The following BAIAP2 variants were observed in gnomAD, a reference collection of about 807,000 sequenced individuals.
BAIAP2 encodes the protein BAR/IMD domain-containing adapter protein 2.
A neutral mutation model predicts 63.0 loss-of-function variants in BAIAP2; 18 were observed. The ratio of observed to expected loss-of-function variants is 0.29; its 90% CI spans 0.20 to 0.42. BAIAP2 has a LOEUF of 0.42. Ranked by LOEUF, BAIAP2 falls within the 10% of genes least tolerant of loss-of-function variation. The pLI is 1.00. For synonymous variants in BAIAP2, 386 were observed against 307.6 expected (o/e 1.25, Z -2.67); for missense variants, 610 against 734.3 (o/e 0.83, Z 1.96).
At chr17:81,095,694 T>G (rs982518984) in intron 6 of BAIAP2, among the ~76,000 whole-genome samples, 4 of 151,994 alleles carry the variant, frequency 2.6e-5, no homozygotes, top group African/African-American at 9.7e-5. Context: ...ACATCTCTCC[T>G]CCCTGTCCCC....
rs941016492 is a variant in BAIAP2 at position 81,106,603 on chromosome 17, A to G, written c.1338-142A>G. On this transcript the variant is annotated intron_variant, in intron 11 of 13. Transcript: ENST00000428708. ...CAGACTGGCCCGGCCCATGGTCCCC[A>G]GGGCTGCCGCCTTGGCCTGAGAGCA... 9 of 958,198 alleles carry G rather than the reference A, an allele frequency of 9.4e-6. No homozygotes were observed. In the Admixed American group the frequency reaches 2.0e-4, roughly 22 times the overall value. 59.4% of individuals were successfully genotyped at this position (958,198 alleles called of 1,614,324 possible).
intron 13 of BAIAP2, among the ~76,000 whole-genome samples, 179 bp from the exon 14 acceptor site, chr17:81,115,591 G>A (rs1048073409): frequency 1.3e-5 from 2 of 152,224 alleles, no homozygotes; most frequent in African/African-American, 4.8e-5. Context: ...CAGCCTTGCA[G>A]ACAGCGCCTG....
At chr17:81,110,130 G>A (rs1194179002) in intron 13 of BAIAP2, 2 of 985,502 alleles carry the variant, frequency 2.0e-6, no homozygotes, top group Non-Finnish European at 2.4e-6. Context: ...GCTGGTGGGA[G>A]CCCCTGGGAA....
intron 3 of BAIAP2, among the ~76,000 whole-genome samples, chr17:81,077,743 C>A (rs929691090): frequency 6.6e-6 from 1 of 151,288 alleles, no homozygotes; most frequent in African/African-American, 2.4e-5. Flanking sequence ...AGCCAGACAC[C>A]GTGGGTGCGG....
At chr17:81,103,349 G>A (rs533070616) in intron 7 of BAIAP2, among the ~76,000 whole-genome samples, 153 bp from the exon 8 acceptor site, 1 of 152,338 alleles carries the variant, frequency 6.6e-6, no homozygotes, top group African/African-American at 2.4e-5. Flanking sequence ...TGGGGTCAGA[G>A]GCTCACGGGT....
chr17:81,074,684 CTGTG>C (rs1186059061), intron 3 of BAIAP2, among the ~76,000 whole-genome samples: 5 of 144,766 alleles, frequency 3.5e-5, no homozygotes, highest in African/African-American at 1.0e-4. Context: ...GTATGAGTGC[CTGTG>C]TGTGTGCATG....
At chr17:81,073,668 C>T (rs1223640090) in intron 3 of BAIAP2, among the ~76,000 whole-genome samples, 1 of 152,200 alleles carries the variant, frequency 6.6e-6, no homozygotes, top group Admixed American at 6.5e-5. Context: ...CTCCCCCAGT[C>T]TTTTTCACTG....
At chr17:81,068,453 C>T (rs975857954) in intron 3 of BAIAP2, among the ~76,000 whole-genome samples, 1 of 152,360 alleles carries the variant, frequency 6.6e-6, no homozygotes, top group South Asian at 2.1e-4. Context: ...CAGTGCCATC[C>T]GGGTCACGGG....
At chr17:81,095,181 C>T (rs1046208983) in intron 6 of BAIAP2, among the ~76,000 whole-genome samples, 4 of 151,926 alleles carry the variant, frequency 2.6e-5, no homozygotes, top group East Asian at 1.9e-4. Context: ...GGCTCAGCGG[C>T]GGGCGGGGAC....
At chr17:81,068,413 G>T (rs2051912901) in intron 3 of BAIAP2, among the ~76,000 whole-genome samples, 1 of 152,236 alleles carries the variant, frequency 6.6e-6, no homozygotes, top group Non-Finnish European at 1.5e-5. Flanking sequence ...CTGTCTGAGG[G>T]GGTCTGTCCC....
At chr17:81,057,574 C>T (rs1015712325) in intron 2 of BAIAP2, 14 of 1,053,216 alleles carry the variant, frequency 1.3e-5, no homozygotes, top group Non-Finnish European at 5.8e-6. Flanking sequence ...ACTCCCTCCC[C>T]CCGGCCCTGC....
At position 81,115,954 on chromosome 17, in the gene BAIAP2, G is replaced by T; in HGVS notation, c.*115G>T. ...AGAACATCCAGGCCCCGGCTGCCTG[G>T]TCTTGCCCCACTTGAGTCTGGCCTG... On this transcript the variant is annotated 3_prime_UTR_variant, in exon 14 of 14. Coordinates refer to ENST00000428708, the MANE Select transcript of BAIAP2 (RefSeq NM_001144888.2). 6.5e-7 allele frequency: 1 copy of T among 1,528,914 alleles called. No individual in the cohort carries two copies. Among genetic ancestry groups the T allele is most frequent in the Middle Eastern group, 2.1e-4 (1 of 4,672 alleles). The allele number at this position is 1,528,914 out of a possible 1,614,324, so 94.7% of individuals were successfully genotyped here. A position where few individuals can be genotyped will look rare whatever the true frequency, so the allele number is the denominator to read the frequency against.
chr17:81,049,142 C>T (rs1198504403), intron 1 of BAIAP2, among the ~76,000 whole-genome samples: 2 of 152,264 alleles, frequency 1.3e-5, no homozygotes, highest in Non-Finnish European at 2.9e-5. Flanking sequence ...GAGCTCTGCA[C>T]GCGCCGGGCT....
intron 6 of BAIAP2, among the ~76,000 whole-genome samples, chr17:81,091,054 A>T (rs970100252): frequency 6.9e-5 from 1 of 14,510 alleles, no homozygotes; most frequent in Non-Finnish European, 1.6e-4. Context: ...CCCCGCCCCC[A>T]CTTGTGTGGA....
At chr17:81,092,546 G>A (rs570695329) in intron 6 of BAIAP2, among the ~76,000 whole-genome samples, 2 of 151,986 alleles carry the variant, frequency 1.3e-5, no homozygotes, top group African/African-American at 2.4e-5. Context: ...TGTTGTTCAA[G>A]AACTGCTTGT....
At chr17:81,114,774 C>T (rs923823886) in intron 13 of BAIAP2, among the ~76,000 whole-genome samples, 4 of 152,174 alleles carry the variant, frequency 2.6e-5, no homozygotes, top group African/African-American at 7.2e-5. Context: ...GGTTTGCTTC[C>T]GGCTGCCTGT....
At chr17:81,058,569 T>A (rs1015116191) in intron 3 of BAIAP2, among the ~76,000 whole-genome samples, 4 of 152,184 alleles carry the variant, frequency 2.6e-5, no homozygotes, top group Non-Finnish European at 5.9e-5. Context: ...AGCAGGGTGG[T>A]GCTGAGGTTT....
At chr17:81,081,767 A>G (rs2054650740) in intron 3 of BAIAP2, among the ~76,000 whole-genome samples, 2 of 151,952 alleles carry the variant, frequency 1.3e-5, no homozygotes, top group Admixed American at 1.3e-4. Flanking sequence ...AGAGGTCTCG[A>G]CTTCATCCCG....
chr17:81,069,646 C>T (rs528070009), intron 3 of BAIAP2, among the ~76,000 whole-genome samples: 65 of 152,200 alleles, frequency 4.3e-4, no homozygotes, highest in South Asian at 1.9e-3. Flanking sequence ...AAAAGCCTGG[C>T]GGGGGGCGTG....
Sources: gnomAD v4.1 joint callset for allele counts (sites outside exome capture counted in the v4.1 genomes callset) on GRCh38, gnomAD v4.1.1 for gene constraint, MANE v1.5 for transcripts, NCBI Gene and HGNC (gene_info 2026-07-23, HGNC 2026-07-21) for gene names.